Variants in C8orf34 observed in about 807,000 individuals in gnomAD.
C8orf34 encodes the protein chromosome 8 open reading frame 34, also known as uncharacterized protein C8orf34.
Under a neutral mutation model 68.3 loss-of-function variants are expected in C8orf34, and 65 were observed. The observed-to-expected ratio is 0.95, with a 90% CI of 0.78 to 1.17. C8orf34 has a LOEUF of 1.17. Ranked by LOEUF, C8orf34 falls within the 50% of genes most tolerant of loss-of-function variation. C8orf34 has a pLI of 0.00. For missense variants in C8orf34, 664 were observed against 655.4 expected, an observed-to-expected ratio of 1.01 and a Z score of -0.14; for synonymous variants, 244 against 241.2, an observed-to-expected ratio of 1.01 and a Z score of -0.11.
chr8:68,654,180 A>T (rs1190109915), intron 8 of C8orf34, among the ~76,000 whole-genome samples: 5 of 152,168 alleles, frequency 3.3e-5, no homozygotes, highest in African/African-American at 4.8e-5. Context: ...CCATGTGAGG[A>T]TATACAGAAG....
intron 3 of C8orf34, among the ~76,000 whole-genome samples, chr8:68,464,642 A>G (rs1235285962): frequency 1.3e-5 from 2 of 152,016 alleles, no homozygotes; most frequent in Non-Finnish European, 2.9e-5. Flanking sequence ...CAGAAATAAC[A>G]CTGCATATCT....
chr8:68,603,893 A>G (rs1817778166), intron 7 of C8orf34, among the ~76,000 whole-genome samples: 1 of 152,156 alleles, frequency 6.6e-6, no homozygotes, highest in Non-Finnish European at 1.5e-5. Context: ...GTCACAACAC[A>G]GTAATATCCA....
intron 10 of C8orf34, among the ~76,000 whole-genome samples, chr8:68,747,667 C>G (rs563630279): frequency 1.3e-5 from 2 of 151,990 alleles, no homozygotes; most frequent in African/African-American, 4.8e-5. Context: ...ACCTAGGAAT[C>G]CAACTTTCAA....
chr8:68,375,964 C>T (rs1807775597), intron 1 of C8orf34, among the ~76,000 whole-genome samples: 1 of 152,132 alleles, frequency 6.6e-6, no homozygotes, highest in South Asian at 2.1e-4. Flanking sequence ...ATCAACCCAA[C>T]CGTTTGTCTA....
intron 8 of C8orf34, among the ~76,000 whole-genome samples, chr8:68,663,058 C>CT (rs964802399): frequency 6.6e-6 from 1 of 152,190 alleles, no homozygotes; most frequent in Non-Finnish European, 1.5e-5. Context: ...GGGTCTCTCT[C>CT]TTTTTCTTGC....
At chr8:68,781,176 TC>T (rs1823665658) in intron 11 of C8orf34, among the ~76,000 whole-genome samples, 1 of 152,192 alleles carries the variant, frequency 6.6e-6, no homozygotes, top group Admixed American at 6.5e-5. Context: ...AATTTTTTTT[TC>T]TTGAAATACA....
intron 1 of C8orf34, among the ~76,000 whole-genome samples, chr8:68,435,927 G>T (rs1325296875): frequency 6.6e-6 from 1 of 152,180 alleles, no homozygotes; most frequent in East Asian, 1.9e-4. Context: ...TGGCTATTAG[G>T]CTGGGCATGG....
chr8:68,714,784 C>T (rs548277914), intron 9 of C8orf34, among the ~76,000 whole-genome samples: 7 of 152,180 alleles, frequency 4.6e-5, no homozygotes, highest in African/African-American at 1.7e-4. Flanking sequence ...TCCTAAAATT[C>T]ATATGGAACC....
intron 1 of C8orf34, among the ~76,000 whole-genome samples, chr8:68,401,878 T>TGTGC: frequency 6.6e-6 from 1 of 151,806 alleles, no homozygotes; most frequent in South Asian, 2.1e-4. Flanking sequence ...TGTGTGTGTG[T>TGTGC]GTGTGTGTGT....
At chr8:68,523,269 C>A (rs1814835896) in intron 6 of C8orf34, among the ~76,000 whole-genome samples, 1 of 152,088 alleles carries the variant, frequency 6.6e-6, no homozygotes, top group South Asian at 2.1e-4. Context: ...ATTGGTAGAT[C>A]TTTAGTTCTT....
intron 10 of C8orf34, among the ~76,000 whole-genome samples, chr8:68,771,666 G>GT (rs1280132771): frequency 4.0e-5 from 6 of 151,896 alleles, no homozygotes; most frequent in Admixed American, 2.6e-4. Context: ...CAAAAAAATT[G>GT]TTTTTTTAAT....
intron 1 of C8orf34, among the ~76,000 whole-genome samples, chr8:68,376,930 T>C (rs928511823): frequency 9.9e-5 from 15 of 152,260 alleles, no homozygotes; most frequent in East Asian, 3.9e-4. Flanking sequence ...GTGGAAAAGT[T>C]GTCTGTAATC....
chr8:68,437,591 T>G (rs1356416485), intron 1 of C8orf34, among the ~76,000 whole-genome samples: 1 of 152,216 alleles, frequency 6.6e-6, no homozygotes, highest in Non-Finnish European at 1.5e-5. Context: ...TTAACTGAAC[T>G]CTACATTACT....
chr8:68,812,764 A>G (rs1824691756), intron 12 of C8orf34, among the ~76,000 whole-genome samples: 2 of 152,136 alleles, frequency 1.3e-5, no homozygotes, highest in Non-Finnish European at 2.9e-5. Flanking sequence ...ATTTAGTTCA[A>G]ATTGGTTACG....
At chr8:68,636,684 G>A (rs1818856602) in intron 7 of C8orf34, among the ~76,000 whole-genome samples, 1 of 152,126 alleles carries the variant, frequency 6.6e-6, no homozygotes, top group Non-Finnish European at 1.5e-5. Context: ...TAAGGTGAGA[G>A]ATCCCGAGCT....
intron 8 of C8orf34, among the ~76,000 whole-genome samples, chr8:68,670,909 A>T (rs1353734322): frequency 5.3e-5 from 8 of 152,210 alleles, no homozygotes; most frequent in Non-Finnish European, 8.8e-5. Flanking sequence ...AAATTGTGTG[A>T]TTTAATTATC....
intron 1 of C8orf34, among the ~76,000 whole-genome samples, chr8:68,399,788 C>A (rs550552549): frequency 6.6e-6 from 1 of 152,200 alleles, no homozygotes; most frequent in South Asian, 2.1e-4. Context: ...AGTGTGTAAG[C>A]GTTCCCTTTT....
chr8:68,420,149 C>T (rs1809895628), intron 1 of C8orf34, among the ~76,000 whole-genome samples: 1 of 113,534 alleles, frequency 8.8e-6, no homozygotes, highest in African/African-American at 3.4e-5. Context: ...AGAATTAACC[C>T]TTTTTAAAGA....
At chr8:68,722,386 C>T (rs1463819392) in intron 10 of C8orf34, among the ~76,000 whole-genome samples, 1 of 151,906 alleles carries the variant, frequency 6.6e-6, no homozygotes, top group Non-Finnish European at 1.5e-5. Context: ...GCTAGGAATT[C>T]GACATATGAA....
Sources: gnomAD v4.1 joint callset for allele counts (sites outside exome capture counted in the v4.1 genomes callset) on GRCh38, gnomAD v4.1.1 for gene constraint, MANE v1.5 for transcripts, NCBI Gene and HGNC (gene_info 2026-07-23, HGNC 2026-07-21) for gene names.